Variants in RPA1 observed in about 807,000 individuals in gnomAD.
The protein encoded by RPA1 is replication protein A1.
A neutral mutation model predicts 83.0 loss-of-function variants in RPA1; 49 were observed. The observed-to-expected ratio is 0.59, with a 90% CI of 0.47 to 0.75. The LOEUF (loss-of-function observed/expected upper bound fraction) is 0.75. RPA1 is among the 30% of genes least tolerant of loss of function. The pLI, the probability that RPA1 is intolerant of heterozygous loss-of-function variation, is 0.00. For synonymous variants in RPA1, 279 were observed against 281.8 expected (o/e 0.99, Z 0.10); for missense variants, 693 against 776.1 (o/e 0.89, Z 1.27).
intron 6 of RPA1, among the ~76,000 whole-genome samples, chr17:1,875,257 G>A (rs17292035): frequency 0.012 from 1,807 of 152,296 alleles, 40 homozygotes; most frequent in African/African-American, 0.041. Context: ...TTCTTCATGT[G>A]ACTAGTGCCT....
intron 5 of RPA1, among the ~76,000 whole-genome samples, chr17:1,868,726 G>A (rs1407205294): frequency 6.6e-6 from 1 of 152,158 alleles, no homozygotes; most frequent in Non-Finnish European, 1.5e-5. Context: ...GCAACACAGC[G>A]AGACCCCGTC....
intron 5 of RPA1, among the ~76,000 whole-genome samples, chr17:1,870,735 A>G (rs1913347953): frequency 6.6e-6 from 1 of 152,240 alleles, no homozygotes; most frequent in Non-Finnish European, 1.5e-5. Context: ...AATTGAATCT[A>G]TGTGATCAGC....
chr17:1,860,270 G>A (rs1167151607), intron 5 of RPA1, among the ~76,000 whole-genome samples: 1 of 151,938 alleles, frequency 6.6e-6, no homozygotes, highest in African/African-American at 2.4e-5. Flanking sequence ...CCTGTGGACT[G>A]CCTGGACTGG....
At chr17:1,842,903 G>A (rs746042138) in intron 2 of RPA1, 50 bp downstream of exon 2, 18 of 1,573,168 alleles carry the variant, frequency 1.1e-5, no homozygotes, top group South Asian at 2.2e-5. Flanking sequence ...TGGAGTCATC[G>A]AATTACAAGT....
intron 11 of RPA1, among the ~76,000 whole-genome samples, chr17:1,880,249 A>G (rs1382184277): frequency 1.3e-5 from 2 of 152,144 alleles, no homozygotes; most frequent in African/African-American, 4.8e-5. Flanking sequence ...CACCATGTAG[A>G]TGGGAAGGAT....
intron 12 of RPA1, 122 bp downstream of exon 12, chr17:1,880,813 G>C: frequency 7.3e-7 from 1 of 1,368,794 alleles, no homozygotes; most frequent in Non-Finnish European, 1.0e-6. Context: ...TGCAGCTTCC[G>C]TGTTTCTTGA....
At chr17:1,848,242 C>T (rs950073099) in intron 4 of RPA1, among the ~76,000 whole-genome samples, 1 of 152,124 alleles carries the variant, frequency 6.6e-6, no homozygotes, top group Non-Finnish European at 1.5e-5. Context: ...TGAATGATAT[C>T]TCAATAAACA....
At chr17:1,854,881 C>G (rs1474280819) in intron 5 of RPA1, among the ~76,000 whole-genome samples, 1 of 152,128 alleles carries the variant, frequency 6.6e-6, no homozygotes, top group Non-Finnish European at 1.5e-5. Flanking sequence ...AGAAGGAAAA[C>G]AAATGGCTAA....
At chr17:1,894,651 G>C (rs1019783037) in intron 15 of RPA1, among the ~76,000 whole-genome samples, 3 of 152,136 alleles carry the variant, frequency 2.0e-5, no homozygotes, top group Non-Finnish European at 4.4e-5. Context: ...CAAATTCATA[G>C]AGACAGACGA....
At chr17:1,873,932 G>C (rs1241718745) in intron 6 of RPA1, among the ~76,000 whole-genome samples, 1 of 146,694 alleles carries the variant, frequency 6.8e-6, no homozygotes, top group Non-Finnish European at 1.5e-5. Flanking sequence ...GGCGTAGGTT[G>C]CAGTGAGCCA....
chr17:1,844,830 G>A, intron 4 of RPA1, 144 bp downstream of exon 4: 1 of 496,092 alleles, frequency 2.0e-6, no homozygotes, highest in Non-Finnish European at 3.6e-6. Context: ...CACCCAAGGA[G>A]GAGAAACATG....
At chr17:1,843,863 C>G in intron 2 of RPA1, 57 bp from the exon 3 acceptor site, 1 of 1,451,520 alleles carries the variant, frequency 6.9e-7, no homozygotes, top group Non-Finnish European at 9.6e-7. Flanking sequence ...CTTCGGTTTA[C>G]GTATCCCTGG....
At chr17:1,887,086 G>A (rs1447232180) in intron 13 of RPA1, among the ~76,000 whole-genome samples, 1 of 152,160 alleles carries the variant, frequency 6.6e-6, no homozygotes, top group Non-Finnish European at 1.5e-5. Flanking sequence ...GACCACTACA[G>A]CTTACTCCAT....
chr17:1,837,462 T>C (rs909995419), intron 1 of RPA1, among the ~76,000 whole-genome samples: 2 of 152,228 alleles, frequency 1.3e-5, no homozygotes, highest in African/African-American at 4.8e-5. Context: ...TGTGGAAATA[T>C]GTTTTCGTTT....
chr17:1,840,382 G>A (rs1911999224), intron 1 of RPA1, among the ~76,000 whole-genome samples: 2 of 151,510 alleles, frequency 1.3e-5, no homozygotes, highest in South Asian at 4.2e-4. Context: ...CGCCTCCCAG[G>A]TTCAAGCAAT....
chr17:1,879,794 A>C (rs1913712788), intron 11 of RPA1, 95 bp downstream of exon 11: 1 of 1,497,142 alleles, frequency 6.7e-7, no homozygotes, highest in East Asian at 2.3e-5. Flanking sequence ...CACACACAGG[A>C]GGAGCTCCTG....
chr17:1,858,358 G>A, intron 5 of RPA1: 1 of 1,606,522 alleles, frequency 6.2e-7, no homozygotes. Context: ...CATCGCCATG[G>A]GAAGAGACCA....
In RPA1 at chr17:1,842,814, G is replaced by A. The variant is rs1032316183; in HGVS notation, c.45G>A (p.Gln15=). ...TTTTACTCCCTCAGGCCATCATGCA[G>A]AAGGGGGATACAAACATAAAGCCCA... ...LSEGAIAAIM[Q]KGDTNIKPIL... Residue 15 remains glutamine, a synonymous_variant, in exon 2 of 17, where the codon CAG becomes CAA. Transcript: ENST00000254719. 1.2e-6 allele frequency: 2 copies of A among 1,614,134 alleles called. No homozygotes were observed. The highest frequency in any genetic ancestry group is 1.3e-5 in the African/African-American group (1 of 75,038).
intron 6 of RPA1, 56 bp from the exon 7 acceptor site, chr17:1,875,605 T>C (rs1913542853): frequency 6.5e-7 from 1 of 1,549,470 alleles, no homozygotes; most frequent in Non-Finnish European, 8.7e-7. Context: ...AAGCTTACTA[T>C]AAAAAAGCTA....
Sources: allele counts gnomAD v4.1 joint callset (sites outside exome capture counted in the v4.1 genomes callset), GRCh38; gene constraint gnomAD v4.1.1; transcripts MANE v1.5; gene names NCBI Gene and HGNC (gene_info 2026-07-23, HGNC 2026-07-21).